SGCD: variants seen among roughly 807,000 people sequenced by gnomAD.
The protein encoded by SGCD is delta-sarcoglycan.
In SGCD, 18 loss-of-function variants were observed where a neutral mutation model predicts 36.6. That is an observed-to-expected ratio of 0.49 (90% CI 0.34 to 0.73). SGCD has a LOEUF of 0.73. Among genes scored for constraint, SGCD ranks in the 30% least tolerant of loss-of-function variants. The probability of loss-of-function intolerance (pLI) is 0.01; values close to 1 mark genes in which losing one functional copy is unlikely to be tolerated. For missense variants in SGCD, 387 were observed against 346.7 expected, an observed-to-expected ratio of 1.12 and a Z score of -0.92; for synonymous variants, 133 against 130.6, an observed-to-expected ratio of 1.02 and a Z score of -0.12.
intron 4 of SGCD, among the ~76,000 whole-genome samples, chr5:156,579,856 A>G (rs996119298): frequency 3.9e-4 from 59 of 151,906 alleles, no homozygotes; most frequent in Non-Finnish European, 4.0e-4. Context: ...ATGGGTCTTG[A>G]CTCTTTATCC....
At chr5:155,996,552 G>T (rs990262969) in intron 1 of SGCD, among the ~76,000 whole-genome samples, 1 of 152,132 alleles carries the variant, frequency 6.6e-6, no homozygotes, top group African/African-American at 2.4e-5. Flanking sequence ...CCGAGGCGGG[G>T]GGATCACTTA....
the SGCD span, among the ~76,000 whole-genome samples, chr5:155,750,021 G>T: frequency 6.6e-6 from 1 of 152,062 alleles, no homozygotes; most frequent in Non-Finnish European, 1.5e-5. Context: ...CTTGTTGTTT[G>T]TCTGAGAAAA....
intron 3 of SGCD, among the ~76,000 whole-genome samples, chr5:156,448,321 C>A (rs989469900): frequency 6.6e-6 from 1 of 152,130 alleles, no homozygotes; most frequent in African/African-American, 2.4e-5. Flanking sequence ...TCAGTTTAAC[C>A]ACCTGCCTAA....
intron 3 of SGCD, among the ~76,000 whole-genome samples, chr5:156,280,521 G>A (rs1046677422): frequency 5.9e-5 from 9 of 152,250 alleles, no homozygotes; most frequent in African/African-American, 1.9e-4. Flanking sequence ...TCAAGTTGAC[G>A]TTTATTCAAT....
chr5:156,083,365 G>T (rs942199798), intron 1 of SGCD, among the ~76,000 whole-genome samples: 13 of 151,332 alleles, frequency 8.6e-5, no homozygotes, highest in Admixed American at 8.6e-4. Flanking sequence ...CGTGATCTCG[G>T]CTCACTGCAG....
At chr5:155,868,929 A>G (rs1353498174), upstream of SGCD, among the ~76,000 whole-genome samples, 1 of 152,308 alleles carries the variant, frequency 6.6e-6, no homozygotes, top group Non-Finnish European at 1.5e-5. Context: ...AGTAATTATT[A>G]TAGAGACTAT....
chr5:156,621,794 G>A (rs1464048810), intron 6 of SGCD, among the ~76,000 whole-genome samples: 1 of 152,176 alleles, frequency 6.6e-6, no homozygotes, highest in Non-Finnish European at 1.5e-5. Context: ...AAATATAAGA[G>A]GGAAGAGATC....
At chr5:156,577,432 G>A (rs1760014182) in intron 4 of SGCD, among the ~76,000 whole-genome samples, 1 of 152,142 alleles carries the variant, frequency 6.6e-6, no homozygotes, top group South Asian at 2.1e-4. Context: ...CTTTAAAGTA[G>A]TTTTTTCCAA....
upstream of SGCD, among the ~76,000 whole-genome samples, chr5:155,867,219 G>A (rs1051025814): frequency 3.3e-5 from 5 of 152,140 alleles, no homozygotes; most frequent in African/African-American, 7.2e-5. Flanking sequence ...AACAGGGCCC[G>A]AGAAAATCTT....
intron 2 of SGCD, among the ~76,000 whole-genome samples, chr5:156,336,170 A>G (rs1768343919): frequency 6.6e-6 from 1 of 152,098 alleles, no homozygotes; most frequent in Non-Finnish European, 1.5e-5. Context: ...TGTCCTCCTC[A>G]CCTGCCAAGC....
intron 1 of SGCD, among the ~76,000 whole-genome samples, chr5:155,935,843 G>A (rs76123169): frequency 0.14 from 21,924 of 152,200 alleles, 2,360 homozygotes; most frequent in Admixed American, 0.36. Flanking sequence ...TGGATCCATC[G>A]CCTGCCAAGG....
intron 3 of SGCD, among the ~76,000 whole-genome samples, chr5:156,457,579 T>A (rs1307295374): frequency 6.6e-6 from 1 of 152,180 alleles, no homozygotes; most frequent in Non-Finnish European, 1.5e-5. Context: ...CAGGAAAACA[T>A]AGAAGCAAAT....
At chr5:155,737,540 G>T in the SGCD span, among the ~76,000 whole-genome samples, 1 of 152,164 alleles carries the variant, frequency 6.6e-6, no homozygotes, top group Non-Finnish European at 1.5e-5. Context: ...GACACTCATG[G>T]GTTGGAAAGC....
intron 2 of SGCD, among the ~76,000 whole-genome samples, chr5:156,123,594 C>T (rs1035097348): frequency 2.0e-5 from 3 of 152,092 alleles, no homozygotes; most frequent in Admixed American, 6.5e-5. Context: ...TCCTCAGTTT[C>T]CCTGTAAGTT....
chr5:156,326,567 C>T (rs1202226833), upstream of SGCD, among the ~76,000 whole-genome samples: 1 of 152,184 alleles, frequency 6.6e-6, no homozygotes, highest in Non-Finnish European at 1.5e-5. Flanking sequence ...ATATTGCTCC[C>T]CCTCAAGCAA....
intron 1 of SGCD, among the ~76,000 whole-genome samples, chr5:156,328,947 C>A (rs1333447723): frequency 2.0e-5 from 3 of 152,128 alleles, no homozygotes; most frequent in Non-Finnish European, 2.9e-5. Context: ...GGGAGCCTTC[C>A]ATGAGCTCGG....
chr5:155,798,341 C>T, the SGCD span, among the ~76,000 whole-genome samples: 4 of 152,258 alleles, frequency 2.6e-5, no homozygotes, highest in South Asian at 4.2e-4. Context: ...ATTATAGCCA[C>T]GTGGTTATAC....
At chr5:156,653,304 TTCC>T (rs1408852528) in intron 7 of SGCD, among the ~76,000 whole-genome samples, 2 of 139,878 alleles carry the variant, frequency 1.4e-5, no homozygotes, top group African/African-American at 5.2e-5. Flanking sequence ...TTTCAACTTC[TTCC>T]TGATTCAACC....
chr5:156,075,237 A>G (rs1208293232), intron 1 of SGCD, among the ~76,000 whole-genome samples: 1 of 152,202 alleles, frequency 6.6e-6, no homozygotes, highest in Non-Finnish European at 1.5e-5. Context: ...TAAAAGTCTC[A>G]ACACAATGTA....
Sources: allele counts gnomAD v4.1 joint callset (sites outside exome capture counted in the v4.1 genomes callset), GRCh38; gene constraint gnomAD v4.1.1; transcripts MANE v1.5; gene names NCBI Gene and HGNC (gene_info 2026-07-23, HGNC 2026-07-21).